Variants in SPAG17 observed in about 807,000 individuals in gnomAD.
The protein encoded by SPAG17 is sperm associated antigen 17, also known as sperm-associated antigen 17.
A neutral mutation model predicts 273.6 loss-of-function variants in SPAG17; 169 were observed. The ratio of observed to expected loss-of-function variants is 0.62; its 90% CI spans 0.55 to 0.70. SPAG17 has a LOEUF of 0.70. SPAG17 is among the 30% of genes least tolerant of loss of function. SPAG17 has a pLI of 0.00. For synonymous variants in SPAG17, 825 were observed against 873.2 expected (o/e 0.94, Z 0.97); for missense variants, 2,557 against 2,627.8 (o/e 0.97, Z 0.59).
chr1:118,126,333 G>A (rs1020534985), intron 3 of SPAG17, among the ~76,000 whole-genome samples: 5 of 148,060 alleles, frequency 3.4e-5, no homozygotes, highest in African/African-American at 5.0e-5. Context: ...AGTCTCCCGA[G>A]TAGCTGGAAC....
intron 28 of SPAG17, among the ~76,000 whole-genome samples, chr1:118,020,299 T>C (rs961913648): frequency 6.6e-6 from 1 of 152,122 alleles, no homozygotes; most frequent in Non-Finnish European, 1.5e-5. Context: ...CCAGCTTTGA[T>C]GGCACGTGCC....
At chr1:118,032,197 C>T (rs997847370) in intron 24 of SPAG17, among the ~76,000 whole-genome samples, 1 of 152,042 alleles carries the variant, frequency 6.6e-6, no homozygotes, top group East Asian at 1.9e-4. Context: ...AGAGGCTCTT[C>T]TTATGTATAA....
At chr1:117,955,280 G>A in intron 48 of SPAG17, 1 of 1,571,472 alleles carries the variant, frequency 6.4e-7, no homozygotes, top group Non-Finnish European at 8.7e-7. Context: ...AACCAACCAA[G>A]AGTATCACTA....
intron 1 of SPAG17, among the ~76,000 whole-genome samples, chr1:118,176,779 C>T (rs1411933396): frequency 6.6e-6 from 1 of 152,140 alleles, no homozygotes; most frequent in Non-Finnish European, 1.5e-5. Context: ...GAACACTTTC[C>T]AGTACAGACC....
intron 34 of SPAG17, 56 bp downstream of exon 34, chr1:117,996,314 G>C (rs1657646336): frequency 6.5e-7 from 1 of 1,542,362 alleles, no homozygotes; most frequent in African/African-American, 1.4e-5. Flanking sequence ...GGATAGTAAG[G>C]AGGATGAGAA....
intron 24 of SPAG17, 51 bp downstream of exon 24, chr1:118,036,719 G>A: frequency 8.1e-7 from 1 of 1,240,170 alleles, no homozygotes; most frequent in East Asian, 2.5e-5. Flanking sequence ...GGCAGTGGCA[G>A]GGACCCTTGG....
chr1:118,019,691 A>G (rs1660317252), intron 28 of SPAG17, among the ~76,000 whole-genome samples: 1 of 152,218 alleles, frequency 6.6e-6, no homozygotes, highest in South Asian at 2.1e-4. Context: ...TTGAAATTGT[A>G]ATAAAAAATC....
At chr1:118,151,441 G>A (rs1659379322) in intron 1 of SPAG17, 72 bp from the exon 2 acceptor site, 6 of 1,342,902 alleles carry the variant, frequency 4.5e-6, no homozygotes, top group Admixed American at 4.1e-5. Context: ...TATTTCCACT[G>A]AGAAGCAGAA....
chr1:117,995,286 G>A (rs1207245926), intron 34 of SPAG17, among the ~76,000 whole-genome samples: 1 of 152,064 alleles, frequency 6.6e-6, no homozygotes, highest in African/African-American at 2.4e-5. Context: ...TCCCCTCGGA[G>A]ACCTTATCCC....
At chr1:117,985,769 C>T (rs1163385662) in intron 40 of SPAG17, among the ~76,000 whole-genome samples, 3 of 152,062 alleles carry the variant, frequency 2.0e-5, no homozygotes, top group Non-Finnish European at 4.4e-5. Context: ...CTTACAATAA[C>T]CCTGTGAGTT....
chr1:117,963,317 A>G (rs762461402), intron 48 of SPAG17: 1 of 152,342 alleles, frequency 6.6e-6, no homozygotes, highest in Non-Finnish European at 1.5e-5. Context: ...ATTACATTTT[A>G]TAATATATAT....
intron 48 of SPAG17, chr1:117,960,792 G>T (rs1369824584): frequency 6.6e-6 from 1 of 152,174 alleles, no homozygotes; most frequent in Non-Finnish European, 1.5e-5. Context: ...ACTGTGAATT[G>T]CACCATGTAT....
At position 118,088,293 on chromosome 1, in the gene SPAG17, C is replaced by T. The variant is rs146082632; in HGVS notation, c.1360-1285G>A. Among the ~76,000 whole-genome samples the T allele has an allele frequency of 2.5e-3, 388 of 152,178 alleles. 5 individuals carry two copies. The highest frequency in any genetic ancestry group is 9.0e-3 in the African/African-American group (372 of 41,524). On this transcript the variant is annotated intron_variant, in intron 10 of 48. Coordinates refer to ENST00000336338, the MANE Select transcript of SPAG17 (RefSeq NM_206996.4). ...TACTGGTTGACTTCTATTTGTTAGG[C>T]GCCGAGCTCATTAACTGTCTTCTTT... is the stretch of plus-strand genomic sequence containing the variant.
In SPAG17 at chr1:117,955,480, A is replaced by G. The variant is rs954453436; in HGVS notation, c.*1-1431T>C. ...TTATCTTATAGGTTTAACTATATCA[A>G]AGTTTTGATGGAAAATAATTTATAA... On this transcript the variant is annotated intron_variant, in intron 48 of 48. Transcript: ENST00000336338. 1.2e-5 allele frequency: 10 copies of G among 861,768 alleles called. 1 individual carries two copies. The Middle Eastern group carries it at 1.9e-3, about 168-fold the overall frequency. 53.4% of individuals were successfully genotyped at this position (861,768 alleles called of 1,614,324 possible).
chr1:118,005,596 G>A lies in SPAG17; in HGVS notation c.4594C>T (p.Pro1532Ser). The A allele has an allele frequency of 1.3e-6, 2 of 1,486,386 alleles. No homozygotes were observed. The highest frequency in any genetic ancestry group is 1.5e-5 in the South Asian group (1 of 67,760). 92.1% of individuals were successfully genotyped at this position (1,486,386 alleles called of 1,614,324 possible). Residue 1532 changes from proline to serine, a missense_variant, in exon 32 of 49, where the codon CCT becomes TCT. Pro to Ser is a moderately conservative substitution (Grantham distance 74). Coordinates refer to ENST00000336338, the MANE Select transcript of SPAG17 (RefSeq NM_206996.4). ...ATATAAAGAGAGCCTGTGTTTGGAG[G>A]TAACACCTGAAAGAGTAACAGAAAG... ...AKPQGTYQVL[P>S]PNTGSLYIDK...
At chr1:118,167,138 G>A (rs1303670256) in intron 1 of SPAG17, among the ~76,000 whole-genome samples, 1 of 152,078 alleles carries the variant, frequency 6.6e-6, no homozygotes, top group Middle Eastern at 3.2e-3. Context: ...GATACATGAT[G>A]TTCTTTAAGT....
chr1:118,131,315 C>T (rs899720639), intron 3 of SPAG17, among the ~76,000 whole-genome samples: 2 of 152,140 alleles, frequency 1.3e-5, no homozygotes, highest in East Asian at 1.9e-4. Flanking sequence ...TTCCCCTGCT[C>T]GGGAGGCTCT....
intron 13 of SPAG17, among the ~76,000 whole-genome samples, chr1:118,085,391 C>T (rs911968574): frequency 1.3e-5 from 2 of 152,178 alleles, no homozygotes; most frequent in Non-Finnish European, 2.9e-5. Flanking sequence ...TTCCCTCTTT[C>T]CAGATAATGT....
chr1:118,100,848 C>A (rs1333926480), intron 5 of SPAG17, among the ~76,000 whole-genome samples: 2 of 152,160 alleles, frequency 1.3e-5, no homozygotes, highest in African/African-American at 2.4e-5. Context: ...AAGAAAAATT[C>A]TAGTGTCTCT....
Sources: allele counts gnomAD v4.1 joint callset (sites outside exome capture counted in the v4.1 genomes callset), GRCh38; gene constraint gnomAD v4.1.1; transcripts MANE v1.5; gene names NCBI Gene and HGNC (gene_info 2026-07-23, HGNC 2026-07-21).